Variants in DIAPH1 observed in about 807,000 individuals in gnomAD.
The protein encoded by DIAPH1 is diaphanous related formin 1, also known as protein diaphanous homolog 1.
Under a neutral mutation model 140.7 loss-of-function variants are expected in DIAPH1, and 46 were observed. The ratio of observed to expected loss-of-function variants is 0.33; its 90% CI spans 0.26 to 0.42. DIAPH1 has a LOEUF of 0.42. Among genes scored for constraint, DIAPH1 ranks in the 10% least tolerant of loss-of-function variants. DIAPH1 has a pLI of 1.00. For missense variants in DIAPH1, 1,310 were observed against 1,558.7 expected (o/e 0.84, Z 2.69); for synonymous variants, 565 against 551.6 (o/e 1.02, Z -0.34).
At chr5:141,569,700 T>G (rs1437214992) in intron 18 of DIAPH1, among the ~76,000 whole-genome samples, 6 of 152,036 alleles carry the variant, frequency 3.9e-5, no homozygotes, top group Non-Finnish European at 7.4e-5. Context: ...AGGCGAAGGC[T>G]GCAGTGAGCA....
intron 8 of DIAPH1, among the ~76,000 whole-genome samples, chr5:141,580,337 C>T (rs912523528): frequency 6.6e-6 from 1 of 152,048 alleles, no homozygotes; most frequent in Non-Finnish European, 1.5e-5. Flanking sequence ...ATGCCATTAA[C>T]AGTCATTCTC....
chr5:141,534,402 C>A lies in DIAPH1; in HGVS notation c.2514G>T (p.Lys838Asn), dbSNP rs761209182. Residue 838 changes from lysine to asparagine, a missense_variant, in exon 19 of 28, where the codon AAG becomes AAT. Around this residue, in one of 3 missense-constraint regions of DIAPH1, gnomAD observed 589 missense variants for 549.3 expected, o/e 1.07. Coordinates refer to ENST00000389054, the MANE Select transcript of DIAPH1 (RefSeq NM_005219.5). Reference sequence around the variant, plus strand: ...TTACTTTTTTCTTTTGCACAGATTTCTTTTCTTCTCCACCTTCTTGATCCT... The same window carrying A: ...TTACTTTTTTCTTTTGCACAGATTTATTTTCTTCTCCACCTTCTTGATCCT... ...AKKDQEGGEE[K>N]KSVQKKKVKE... 6.2e-7 allele frequency: 1 copy of A among 1,613,796 alleles called. No individual in the cohort carries two copies. The highest frequency in any genetic ancestry group is 8.5e-7 in the Non-Finnish European group (1 of 1,179,986).
intron 14 of DIAPH1, 40 bp from the exon 15 acceptor site, chr5:141,575,186 T>C (rs769985627): frequency 6.2e-7 from 1 of 1,606,512 alleles, no homozygotes; most frequent in South Asian, 1.1e-5. Context: ...AAGCTCTCCA[T>C]CTCAGTAAGA....
chr5:141,589,490 G>A (rs1390708426), intron 1 of DIAPH1, among the ~76,000 whole-genome samples: 1 of 152,194 alleles, frequency 6.6e-6, no homozygotes, highest in African/African-American at 2.4e-5. Flanking sequence ...CACAAAGAAA[G>A]TGAATGAACT....
intron 23 of DIAPH1, among the ~76,000 whole-genome samples, chr5:141,527,940 G>A (rs978066095): frequency 3.9e-5 from 6 of 152,136 alleles, no homozygotes; most frequent in African/African-American, 1.4e-4. Context: ...AAGGTATGCA[G>A]TACTAGGAAC....
chr5:141,588,260 A>G lies in DIAPH1; in HGVS notation c.118-10T>C. On this transcript the variant is annotated splice_polypyrimidine_tract_variant and intron_variant, in intron 1 of 27. Coordinates refer to ENST00000389054, the MANE Select transcript of DIAPH1 (RefSeq NM_005219.5). ...TGAGCCGCTTCAGAGTCTAGGAAAC[A>G]GGAAAAAGGAGGGAGAAGAAAGAAG... 6.2e-7 allele frequency: 1 copy of G among 1,608,598 alleles called. No individual in the cohort carries two copies. The highest frequency in any genetic ancestry group is 2.2e-5 in the East Asian group (1 of 44,844).
chr5:141,561,371 T>G (rs2099893506), intron 18 of DIAPH1, among the ~76,000 whole-genome samples: 1 of 152,032 alleles, frequency 6.6e-6, no homozygotes, highest in Admixed American at 6.5e-5. Context: ...TTTGTTTTTT[T>G]TTTTTTTACA....
In DIAPH1 at chr5:141,583,687, T is replaced by C. The variant is rs540360166; in HGVS notation, c.403-72A>G. 2.3e-5 allele frequency: 37 copies of C among 1,576,328 alleles called. No individual in the cohort carries two copies. The African/African-American group carries it at 3.1e-4, about 13-fold the overall frequency. ...TAAATTAAGGACTAGTATTAGTCAA[T>C]AGAGTTTATACTTTATTTTTATTTT... On this transcript the variant is annotated intron_variant, in intron 4 of 27. Coordinates refer to ENST00000389054, the MANE Select transcript of DIAPH1 (RefSeq NM_005219.5).
chr5:141,521,108 G>A (rs1214640940), intron 27 of DIAPH1, among the ~76,000 whole-genome samples: 2 of 152,102 alleles, frequency 1.3e-5, no homozygotes, highest in Non-Finnish European at 2.9e-5. Flanking sequence ...CACCGTGTTA[G>A]TCACCTTATC....
At chr5:141,589,610 T>C (rs1411160231) in intron 1 of DIAPH1, among the ~76,000 whole-genome samples, 2 of 111,412 alleles carry the variant, frequency 1.8e-5, no homozygotes, top group Non-Finnish European at 3.3e-5. Context: ...AAGGAAATAA[T>C]CACCATAAAT....
Position 141,575,257 on chromosome 5 carries a change from T to TC in DIAPH1, c.1462-112dup, listed in dbSNP as rs1365236050. 18 of 1,047,096 alleles carry TC rather than the reference T, an allele frequency of 1.7e-5. No individual in the cohort carries two copies. The Admixed American group carries it at 3.2e-4, about 18-fold the overall frequency. The allele number at this position is 1,047,096 out of a possible 1,614,324, so 64.9% of individuals were successfully genotyped here. A position where few individuals can be genotyped will look rare whatever the true frequency, so the allele number is the denominator to read the frequency against. ...CCTCTTTTGCCTGGGGGTGCTGGAATCCCCCCACTGCCTCCTGTTCTGGGC... is the reference window on the plus strand; with the variant it reads ...CCTCTTTTGCCTGGGGGTGCTGGAATCCCCCCCACTGCCTCCTGTTCTGGGC... On this transcript the variant is annotated intron_variant, in intron 14 of 27. Transcript: ENST00000389054.
At chr5:141,572,855 C>T (rs975883785) in intron 16 of DIAPH1, among the ~76,000 whole-genome samples, 1 of 151,872 alleles carries the variant, frequency 6.6e-6, no homozygotes, top group Non-Finnish European at 1.5e-5. Context: ...ACTTTGGGAT[C>T]AGCACAATTA....
intron 1 of DIAPH1, among the ~76,000 whole-genome samples, chr5:141,603,280 T>A (rs2154597154): frequency 6.6e-6 from 1 of 152,338 alleles, no homozygotes; most frequent in East Asian, 1.9e-4. Context: ...TTAAACTCAT[T>A]AGTTCCACAA....
intron 18 of DIAPH1, among the ~76,000 whole-genome samples, chr5:141,555,341 A>C (rs1233072096): frequency 2.0e-5 from 3 of 152,256 alleles, no homozygotes; most frequent in African/African-American, 7.2e-5. Flanking sequence ...TCATATCCTT[A>C]GACAGGTAGG....
chr5:141,580,973 G>A, intron 7 of DIAPH1, 90 bp from the exon 8 acceptor site: 2 of 1,528,350 alleles, frequency 1.3e-6, no homozygotes, highest in East Asian at 2.3e-5. Context: ...GTTGAATGGT[G>A]TCCTCTTAAA....
chr5:141,523,354 C>T (rs1450797820), intron 27 of DIAPH1, among the ~76,000 whole-genome samples: 2 of 152,216 alleles, frequency 1.3e-5, no homozygotes, highest in African/African-American at 4.8e-5. Flanking sequence ...GTCAACTCCA[C>T]ATGAGGGGCA....
At chr5:141,519,474 G>A (rs533207249) in intron 27 of DIAPH1, among the ~76,000 whole-genome samples, 2 of 152,280 alleles carry the variant, frequency 1.3e-5, no homozygotes, top group East Asian at 3.9e-4. Context: ...CACTTGTCCT[G>A]GGCAACACAG....
intron 1 of DIAPH1, among the ~76,000 whole-genome samples, chr5:141,610,365 A>G (rs1049806876): frequency 2.8e-5 from 4 of 141,882 alleles, no homozygotes; most frequent in Admixed American, 7.0e-5. Context: ...CAGTGGCACA[A>G]CCTCGGCTCA....
At chr5:141,539,008 C>T (rs909596110) in intron 18 of DIAPH1, among the ~76,000 whole-genome samples, 1 of 151,526 alleles carries the variant, frequency 6.6e-6, no homozygotes, top group East Asian at 2.0e-4. Flanking sequence ...GGCGTGGTGG[C>T]TCACGCCTGT....
Sources: gnomAD v4.1 joint callset for allele counts (sites outside exome capture counted in the v4.1 genomes callset) on GRCh38, gnomAD v4.1.1 for gene constraint, gnomAD v4.1.1 regional missense constraint, MANE v1.5 for transcripts, NCBI Gene and HGNC (gene_info 2026-07-23, HGNC 2026-07-21) for gene names.